SOX5: variants seen among roughly 807,000 people sequenced by gnomAD.
SOX5 encodes the protein transcription factor SOX-5.
SOX5 carries 9 observed loss-of-function variants against 92.0 expected under a neutral mutation model. That is an observed-to-expected ratio of 0.10 (90% CI 0.06 to 0.17). The LOEUF (loss-of-function observed/expected upper bound fraction) is 0.17, where lower values mean the gene tolerates loss of function less well. Among genes scored for constraint, SOX5 ranks in the 10% least tolerant of loss-of-function variants. The pLI, the probability that SOX5 is intolerant of heterozygous loss-of-function variation, is 1.00. For missense variants in SOX5, 642 were observed against 944.5 expected, an observed-to-expected ratio of 0.68 and a Z score of 4.20; for synonymous variants, 344 against 336.3, an observed-to-expected ratio of 1.02 and a Z score of -0.25.
chr12:23,910,432 C>G (rs990618621), intron 1 of SOX5, among the ~76,000 whole-genome samples: 1 of 152,070 alleles, frequency 6.6e-6, no homozygotes, highest in African/African-American at 2.4e-5. Flanking sequence ...GAAGATTTCC[C>G]GCAGGTTTAA....
chr12:23,545,984 G>C (rs984578266), intron 12 of SOX5, among the ~76,000 whole-genome samples: 2 of 152,084 alleles, frequency 1.3e-5, no homozygotes, highest in Non-Finnish European at 2.9e-5. Context: ...AGCATTTTGA[G>C]CATTTGCTTT....
At chr12:24,014,803 A>C (rs1197730947) in intron 4 of SOX5, among the ~76,000 whole-genome samples, 2 of 152,136 alleles carry the variant, frequency 1.3e-5, no homozygotes, top group African/African-American at 4.8e-5. Flanking sequence ...TTAAATTCAC[A>C]ATCTGGGGGC....
chr12:24,034,564 G>A (rs1045894925), intron 4 of SOX5, among the ~76,000 whole-genome samples: 4 of 122,760 alleles, frequency 3.3e-5, no homozygotes, highest in Non-Finnish European at 5.4e-5. Flanking sequence ...ACCAATGCTC[G>A]GGAGGATTTT....
intron 5 of SOX5, chr12:23,738,303 G>A (rs903805158): frequency 3.8e-4 from 58 of 152,208 alleles, no homozygotes; most frequent in African/African-American, 1.3e-3. Context: ...AGGAGAAGAC[G>A]AACCTGCCCT....
At chr12:23,960,543 AT>A (rs1946809551) in intron 4 of SOX5, among the ~76,000 whole-genome samples, 2 of 147,238 alleles carry the variant, frequency 1.4e-5, no homozygotes, top group Non-Finnish European at 3.0e-5. Context: ...ATATATATAT[AT>A]ATGAAGTCAG....
intron 2 of SOX5, among the ~76,000 whole-genome samples, chr12:24,360,401 T>C (rs1181179192): frequency 6.6e-6 from 1 of 152,208 alleles, no homozygotes; most frequent in Admixed American, 6.5e-5. Context: ...TATGTTTTAT[T>C]ATTCTCATGG....
At chr12:24,009,184 A>G (rs80125406) in intron 4 of SOX5, among the ~76,000 whole-genome samples, 11 of 152,174 alleles carry the variant, frequency 7.2e-5, no homozygotes, top group African/African-American at 2.4e-4. Context: ...TCTGACTACA[A>G]CTACATAAGA....
In SOX5 at chr12:24,476,993, C is replaced by T. The variant is rs547561189; in HGVS notation, c.-251+85336G>A. ...GCCCAGGCAACAAAACAAGACCCCT[C>T]TCAAAAAAAAAAAAAAAAAAAAAAG... On this transcript the variant is annotated intron_variant, in intron 1 of 4. Transcript: ENST00000446891. 6.3e-3 allele frequency among the ~76,000 whole-genome samples: 399 copies of T among 63,132 alleles called. 4 individuals are homozygous for T. Among genetic ancestry groups the T allele is most frequent in the African/African-American group, 0.025 (376 of 15,030 alleles). The allele number at this position is 63,132 out of a possible 152,430, so 41.4% of individuals were successfully genotyped here. A position where few individuals can be genotyped will look rare whatever the true frequency, so the allele number is the denominator to read the frequency against.
intron 3 of SOX5, among the ~76,000 whole-genome samples, chr12:24,260,136 G>A (rs999167625): frequency 6.6e-6 from 1 of 152,194 alleles, no homozygotes; most frequent in African/African-American, 2.4e-5. Context: ...GTATGAGAGG[G>A]AGTGAGGAAG....
intron 1 of SOX5, among the ~76,000 whole-genome samples, chr12:23,939,316 C>G (rs1400281940): frequency 6.6e-6 from 1 of 151,014 alleles, no homozygotes; most frequent in Non-Finnish European, 1.5e-5. Flanking sequence ...GATATTTGCA[C>G]ATTTCTCTTT....
intron 7 of SOX5, among the ~76,000 whole-genome samples, chr12:23,643,636 G>A (rs1312854531): frequency 6.6e-6 from 1 of 152,212 alleles, no homozygotes; most frequent in African/African-American, 2.4e-5. Flanking sequence ...ACTAGCAGAA[G>A]AGACTGAGAA....
intron 4 of SOX5, among the ~76,000 whole-genome samples, chr12:24,134,651 A>G (rs1374024967): frequency 6.6e-6 from 1 of 152,218 alleles, no homozygotes; most frequent in East Asian, 1.9e-4. Context: ...TGTTCTCAGC[A>G]CATCTCTATA....
chr12:23,994,768 T>A (rs1950881229), intron 4 of SOX5, among the ~76,000 whole-genome samples: 1 of 152,172 alleles, frequency 6.6e-6, no homozygotes, highest in Admixed American at 6.5e-5. Flanking sequence ...GGTCACTAGA[T>A]GAGGTTTACC....
At chr12:23,811,002 T>A (rs1385252071) in intron 3 of SOX5, among the ~76,000 whole-genome samples, 1 of 152,256 alleles carries the variant, frequency 6.6e-6, no homozygotes, top group East Asian at 1.9e-4. Context: ...CAGAGGTGGT[T>A]TTTGTGTAAG....
intron 3 of SOX5, among the ~76,000 whole-genome samples, chr12:23,789,309 T>C (rs2095431276): frequency 6.6e-6 from 1 of 152,084 alleles, no homozygotes; most frequent in Non-Finnish European, 1.5e-5. Flanking sequence ...ATTTTAATTC[T>C]GAGGGTAACA....
At chr12:23,825,575 C>A (rs542084474) in intron 3 of SOX5, among the ~76,000 whole-genome samples, 2 of 152,064 alleles carry the variant, frequency 1.3e-5, no homozygotes, top group African/African-American at 2.4e-5. Context: ...TGTTTGTATG[C>A]GTGTATTTAT....
At chr12:23,904,591 C>T (rs1362926302) in intron 1 of SOX5, among the ~76,000 whole-genome samples, 1 of 152,094 alleles carries the variant, frequency 6.6e-6, no homozygotes, top group Admixed American at 6.5e-5. Flanking sequence ...AATTAATATT[C>T]TGTATTTAAA....
chr12:23,567,464 AT>A (rs35620007), intron 10 of SOX5, among the ~76,000 whole-genome samples: 13,059 of 118,972 alleles, frequency 0.11, 484 homozygotes, highest in East Asian at 0.23. Context: ...ATTTGATTTG[AT>A]TTTTTTTTTT....
chr12:24,144,436 A>T (rs1370721049), intron 4 of SOX5, among the ~76,000 whole-genome samples: 1 of 152,202 alleles, frequency 6.6e-6, no homozygotes, highest in Admixed American at 6.5e-5. Flanking sequence ...CCTAAAAGAT[A>T]ATTTACTGTT....
Sources: allele counts gnomAD v4.1 joint callset (sites outside exome capture counted in the v4.1 genomes callset), GRCh38; gene constraint gnomAD v4.1.1; transcripts MANE v1.5; gene names NCBI Gene and HGNC (gene_info 2026-07-23, HGNC 2026-07-21).